Variants in MAML2 observed in about 807,000 individuals in gnomAD.
MAML2 encodes mastermind-like protein 2.
In MAML2, 22 loss-of-function variants were observed where a neutral mutation model predicts 96.1. That is an observed-to-expected ratio of 0.23 (90% CI 0.16 to 0.33). The LOEUF is 0.33. MAML2 is among the 10% of genes least tolerant of loss of function. The pLI is 1.00. For synonymous variants in MAML2, 561 were observed against 521.3 expected, an observed-to-expected ratio of 1.08 and a Z score of -1.04; for missense variants, 1,367 against 1,392.4, an observed-to-expected ratio of 0.98 and a Z score of 0.29.
At chr11:96,126,983 C>T (rs918891404) in intron 1 of MAML2, among the ~76,000 whole-genome samples, 3 of 152,154 alleles carry the variant, frequency 2.0e-5, no homozygotes, top group African/African-American at 7.2e-5. Flanking sequence ...GCGGTTCCTA[C>T]AGGCTGCCAT....
chr11:96,067,171 T>C (rs1253776465), intron 2 of MAML2, among the ~76,000 whole-genome samples: 2 of 152,170 alleles, frequency 1.3e-5, no homozygotes, highest in East Asian at 3.8e-4. Flanking sequence ...TAACATGCCT[T>C]CCCAAACCAA....
At chr11:96,233,302 A>G (rs1862321695) in intron 1 of MAML2, among the ~76,000 whole-genome samples, 1 of 152,240 alleles carries the variant, frequency 6.6e-6, no homozygotes, top group Non-Finnish European at 1.5e-5. Context: ...CACTCTAAAA[A>G]ACAATCTTCA....
In MAML2 at chr11:95,979,529, G is replaced by C; in HGVS notation, c.2890C>G (p.Pro964Ala). The change falls in exon 5 of 5, where the codon CCA becomes GCA. Residue 964 changes from proline (P) to alanine (A), a missense_variant. Pro to Ala is a conservative substitution (Grantham distance 27). Transcript: ENST00000524717. ...NVMITSNTTA[P>A]NWASQEGTSK... The stretch of plus-strand genomic sequence containing the variant: ...GTTCCTTCTTGAGAGGCCCAGTTTG[G>C]TGCAGTTGTGTTGGATGTGATCATT... 6.2e-7 allele frequency: 1 copy of C among 1,613,752 alleles called. No individual in the cohort carries two copies. The highest frequency in any genetic ancestry group is 8.5e-7 in the Non-Finnish European group (1 of 1,179,826).
intron 1 of MAML2, among the ~76,000 whole-genome samples, chr11:96,173,762 C>A (rs572027582): frequency 1.2e-4 from 19 of 152,330 alleles, no homozygotes; most frequent in South Asian, 8.3e-4. Context: ...TTTCTTCTCT[C>A]TTGTCCCCCA....
intron 1 of MAML2, among the ~76,000 whole-genome samples, chr11:96,247,478 A>AT (rs1427493022): frequency 1.3e-5 from 2 of 152,066 alleles, no homozygotes; most frequent in Non-Finnish European, 2.9e-5. Context: ...AAAATTTAGC[A>AT]TTTTTTACCA....
intron 1 of MAML2, among the ~76,000 whole-genome samples, chr11:96,293,227 C>G (rs1188970775): frequency 6.6e-6 from 1 of 152,128 alleles, no homozygotes; most frequent in Non-Finnish European, 1.5e-5. Flanking sequence ...CATCCTTAAT[C>G]AAAGTTTCTG....
chr11:96,041,063 T>G (rs908199119), intron 2 of MAML2, among the ~76,000 whole-genome samples: 1 of 152,192 alleles, frequency 6.6e-6, no homozygotes, highest in Non-Finnish European at 1.5e-5. Flanking sequence ...ACCCTTCCAG[T>G]TGCTGATGGG....
intron 1 of MAML2, among the ~76,000 whole-genome samples, chr11:96,172,057 C>T (rs1023787930): frequency 6.6e-6 from 1 of 152,228 alleles, no homozygotes; most frequent in Admixed American, 6.5e-5. Flanking sequence ...CCTGATTCAA[C>T]TAAAACACAA....
At chr11:96,306,007 C>G (rs1863456451) in intron 1 of MAML2, among the ~76,000 whole-genome samples, 1 of 151,886 alleles carries the variant, frequency 6.6e-6, no homozygotes, top group Non-Finnish European at 1.5e-5. Flanking sequence ...AGAAACATAC[C>G]TTTCTTCTTG....
At chr11:96,280,831 A>G (rs1280622850) in intron 1 of MAML2, among the ~76,000 whole-genome samples, 1 of 152,212 alleles carries the variant, frequency 6.6e-6, no homozygotes, top group Non-Finnish European at 1.5e-5. Flanking sequence ...TCTGTGGTAT[A>G]AACCTTTCTC....
chr11:96,282,779 G>A (rs1181986644), intron 1 of MAML2, among the ~76,000 whole-genome samples: 2 of 152,072 alleles, frequency 1.3e-5, no homozygotes, highest in Non-Finnish European at 2.9e-5. Flanking sequence ...ACATTTCAGA[G>A]GCAACTGTAA....
intron 1 of MAML2, among the ~76,000 whole-genome samples, chr11:96,186,740 T>C (rs1274801314): frequency 1.3e-5 from 2 of 152,192 alleles, no homozygotes; most frequent in Non-Finnish European, 2.9e-5. Flanking sequence ...GAGAAACCGA[T>C]AGAGAGAGCT....
intron 2 of MAML2, among the ~76,000 whole-genome samples, chr11:96,086,097 T>C (rs1804220121): frequency 1.3e-5 from 2 of 152,214 alleles, no homozygotes; most frequent in South Asian, 4.1e-4. Context: ...AATTACTCAA[T>C]GGGAATTCAC....
chr11:95,979,284 C>G lies in MAML2; in HGVS notation c.3135G>C (p.Arg1045Ser), dbSNP rs1692215929. Residue 1045 changes from arginine (R) to serine (S), a missense_variant, in exon 5 of 5, where the codon AGG (arginine) becomes AGC (serine). Arg to Ser is a moderately radical substitution (Grantham distance 110). Transcript: ENST00000524717. ...TLNGQTMGPL[R>S]GLNLRPNQLS... ...GCTGATTGGGTCTGAGATTCAGACC[C>G]CTGAGGGGACCCATGGTTTGCCCAT... is the stretch of plus-strand genomic sequence containing the variant. The G allele has an allele frequency of 3.1e-6, 5 of 1,613,758 alleles. No homozygotes were observed. Among genetic ancestry groups the G allele is most frequent in the South Asian group, 2.2e-5 (2 of 91,062 alleles).
chr11:96,289,813 A>G (rs1863185888), intron 1 of MAML2, among the ~76,000 whole-genome samples: 1 of 151,650 alleles, frequency 6.6e-6, no homozygotes, highest in African/African-American at 2.4e-5. Flanking sequence ...ATACATTCAA[A>G]GGGGCAGAAT....
rs1442299556 is a variant in MAML2, at chr11:96,092,687, C to T, written c.1344G>A (p.Arg448=). 1 of 1,614,006 alleles carries T rather than the reference C, an allele frequency of 6.2e-7. No individual in the cohort carries two copies. Among genetic ancestry groups the T allele is most frequent in the South Asian group, 1.1e-5 (1 of 91,082 alleles). The part of the protein sequence containing the change: ...QIAANRQQHA[R]MQQHQQQHQP... The stretch of plus-strand genomic sequence containing the variant: ...GGTGCTGCTGCTGGTGCTGCTGCAT[C>T]CGGGCATGCTGCTGACGATTAGCAG... Residue 448 remains arginine, a synonymous_variant, in exon 2 of 5, where the codon CGG becomes CGA. Transcript: ENST00000524717. This position sits in a 1 kb window ranked among gnomAD's most constrained non-coding sequence, Gnocchi z 4.1.
At chr11:96,202,769 C>G (rs568841571) in intron 1 of MAML2, among the ~76,000 whole-genome samples, 2 of 152,076 alleles carry the variant, frequency 1.3e-5, no homozygotes, top group South Asian at 4.1e-4. Context: ...GCTGGGATTA[C>G]AGGCACATGC....
chr11:96,282,670 T>C (rs1863088783), intron 1 of MAML2, among the ~76,000 whole-genome samples: 2 of 152,196 alleles, frequency 1.3e-5, no homozygotes, highest in Non-Finnish European at 1.5e-5. Context: ...GAAAATTCTG[T>C]TTTGACAATA....
At position 95,983,196 on chromosome 11, in the gene MAML2, A is replaced by T. The variant is rs533967724; in HGVS notation, c.2455+2335T>A. Among the ~76,000 whole-genome samples, 12 of 152,258 alleles carry T rather than the reference A, an allele frequency of 7.9e-5. No homozygotes were observed. In the East Asian group the frequency reaches 2.3e-3, roughly 29 times the overall value. On this transcript the variant is annotated intron_variant, in intron 4 of 4. Coordinates refer to ENST00000524717, the MANE Select transcript of MAML2 (RefSeq NM_032427.4). ...GGTCAAGATGTGGTGGATGACAGTG[A>T]TATTGATGATCCTGACCCTGTGCAG...
Sources: gnomAD v4.1 joint callset for allele counts (sites outside exome capture counted in the v4.1 genomes callset) on GRCh38, gnomAD v4.1.1 for gene constraint, Gnocchi (gnomAD v3.1) non-coding constraint, MANE v1.5 for transcripts, NCBI Gene and HGNC (gene_info 2026-07-23, HGNC 2026-07-21) for gene names.